Variants in EBF4 observed in about 807,000 individuals in gnomAD.
The protein encoded by EBF4 is EBF transcription factor 4.
Under a neutral mutation model 67.1 loss-of-function variants are expected in EBF4, and 34 were observed. That is an observed-to-expected ratio of 0.51 (90% confidence interval 0.39 to 0.67). The LOEUF (loss-of-function observed/expected upper bound fraction) is 0.67, where lower values mean the gene tolerates loss of function less well. Ranked by LOEUF, EBF4 falls within the 30% of genes least tolerant of loss-of-function variation. The pLI, the probability that EBF4 is intolerant of heterozygous loss-of-function variation, is 0.00. For missense variants in EBF4, 837 were observed against 873.3 expected, an observed-to-expected ratio of 0.96 and a Z score of 0.52; for synonymous variants, 387 against 377.7, an observed-to-expected ratio of 1.02 and a Z score of -0.29.
chr20:2,705,383 G>A (rs529108593), intron 1 of EBF4, among the ~76,000 whole-genome samples, 194 bp from the exon 2 acceptor site: 69 of 152,298 alleles, frequency 4.5e-4, no homozygotes, highest in African/African-American at 1.6e-3. Flanking sequence ...GGTGCCCTAG[G>A]TGCTGAGAGA....
rs1444095979 is a variant in EBF4 at position 2,745,945 on chromosome 20, A to G, written c.558-2604A>G. Among the ~76,000 whole-genome samples the G allele has an allele frequency of 6.6e-6, 1 of 152,152 alleles. No homozygotes were observed. The highest frequency in any genetic ancestry group is 2.4e-5 in the African/African-American group (1 of 41,420). ...GCTTGTCGCATCTTCAGTGGTATCCAAAGGTGAGCCTTCAATCCCTTTAGG... is the reference window on the plus strand; with the variant it reads ...GCTTGTCGCATCTTCAGTGGTATCCGAAGGTGAGCCTTCAATCCCTTTAGG... On this transcript the variant is annotated intron_variant, in intron 6 of 16. Transcript: ENST00000609451. This position sits in a 1 kb window ranked among gnomAD's most constrained non-coding sequence, Gnocchi z 5.2.
Position 2,751,227 on chromosome 20 carries a change from G to T in EBF4, c.1019-473G>T, listed in dbSNP as rs1257659903. 1.3e-5 allele frequency among the ~76,000 whole-genome samples: 2 copies of T among 152,180 alleles called. No individual in the cohort carries two copies. The highest frequency in any genetic ancestry group is 2.9e-5 in the Non-Finnish European group (2 of 68,036). ...ACCCACTTCTCCAGTTGCTTCCCTG[G>T]GGTGCATGCAAACCTCTAGCCTTCA... On this transcript the variant is annotated intron_variant, in intron 10 of 16. Transcript: ENST00000609451. The surrounding 1 kb of genome is among the most constrained non-coding windows in gnomAD (Gnocchi z 5.2).
At chr20:2,701,671 C>T (rs998404154) in intron 1 of EBF4, among the ~76,000 whole-genome samples, 2 of 152,226 alleles carry the variant, frequency 1.3e-5, no homozygotes, top group Non-Finnish European at 2.9e-5. Context: ...TTTCTCAGCA[C>T]CCACCACTCC....
At position 2,756,991 on chromosome 20, in the gene EBF4, G is replaced by T. The variant is rs2088255406; in HGVS notation, c.1738+1167G>T. ...GGGGAATGACCTTGAGATGCAGGAA[G>T]AGACACCCTCATGGTTTCCTCAGCC... is the stretch of plus-strand genomic sequence containing the variant. On this transcript the variant is annotated intron_variant, in intron 15 of 16. Coordinates refer to ENST00000609451, the Ensembl canonical transcript of EBF4. This position sits in a 1 kb window ranked among gnomAD's most constrained non-coding sequence, Gnocchi z 4.5. Among the ~76,000 whole-genome samples, 1 of 152,238 alleles carries T rather than the reference G, an allele frequency of 6.6e-6. No homozygotes were observed.
At chr20:2,758,881 A>G in intron 15 of EBF4, 28 bp from the exon 16 acceptor site, 1 of 1,550,200 alleles carries the variant, frequency 6.5e-7, no homozygotes, top group Non-Finnish European at 8.7e-7. Context: ...CACATGGCTT[A>G]TGGCTCCTTT....
intron 6 of EBF4, among the ~76,000 whole-genome samples, chr20:2,721,489 C>T (rs748797522): frequency 2.0e-5 from 3 of 152,030 alleles, no homozygotes; most frequent in Admixed American, 6.6e-5. Flanking sequence ...GAGTCTCGCT[C>T]TGTCACCCAG....
intron 6 of EBF4, among the ~76,000 whole-genome samples, chr20:2,726,363 T>G (rs2087746509): frequency 6.6e-6 from 1 of 152,098 alleles, no homozygotes; most frequent in Admixed American, 6.5e-5. Context: ...GAATCCTGAC[T>G]TGAAGTCAGG....
rs140664199 is a variant in EBF4, at chr20:2,751,134, G to A, written c.1019-566G>A. ...AAGCAGTGAACACAACACACGTGGAGATGCAATGTAGAATCTGGCCGCTGG... is the reference window on the plus strand; with the variant it reads ...AAGCAGTGAACACAACACACGTGGAAATGCAATGTAGAATCTGGCCGCTGG... On this transcript the variant is annotated intron_variant, in intron 10 of 16. Coordinates refer to ENST00000609451, the Ensembl canonical transcript of EBF4. The surrounding 1 kb of genome is among the most constrained non-coding windows in gnomAD (Gnocchi z 5.2). 1.6e-3 allele frequency among the ~76,000 whole-genome samples: 245 copies of A among 152,022 alleles called. 4 individuals are homozygous for A. In the South Asian group the frequency reaches 0.026, roughly 16 times the overall value.
intron 6 of EBF4, among the ~76,000 whole-genome samples, chr20:2,741,770 T>C (rs1386929556): frequency 1.3e-5 from 2 of 152,220 alleles, no homozygotes; most frequent in Non-Finnish European, 2.9e-5. Context: ...TGACCACTGT[T>C]CACAGCTCTT....
intron 1 of EBF4, among the ~76,000 whole-genome samples, chr20:2,694,992 T>C (rs1227466961): frequency 6.6e-6 from 1 of 152,164 alleles, no homozygotes; most frequent in East Asian, 1.9e-4. Flanking sequence ...AAAAATTTAG[T>C]CCCTCCTCTG....
rs1214553971 is a variant in EBF4 at position 2,752,149 on chromosome 20, G to T, written c.1237G>T (p.Gly413Trp). 59 of 1,448,466 alleles carry T rather than the reference G, an allele frequency of 4.1e-5. No homozygotes were observed. In the East Asian group the frequency reaches 1.8e-3, roughly 43 times the overall value. 89.7% of individuals were successfully genotyped at this position (1,448,466 alleles called of 1,614,324 possible). ...TCTGTACAGCACCCCCCGCGCACCCGGGCCGCTCGCACCCCTGGCCCCGAG... is the reference window on the plus strand; with the variant it reads ...TCTGTACAGCACCCCCCGCGCACCCTGGCCGCTCGCACCCCTGGCCCCGAG... The change falls in exon 13 of 17, where the codon GGG becomes TGG. Residue 413 changes from glycine (G) to tryptophan (W), a missense_variant. Around this residue, in one of 3 missense-constraint regions of EBF4, gnomAD observed 525 missense variants for 496.5 expected, o/e 1.06. Coordinates refer to ENST00000609451, the Ensembl canonical transcript of EBF4.
At position 2,693,587 on chromosome 20, in the gene EBF4, C is replaced by T. The variant is rs1024123473; in HGVS notation, c.-59C>T. The T allele has an allele frequency of 1.5e-6, 2 of 1,332,330 alleles. No homozygotes were observed. The highest frequency in any genetic ancestry group is 1.9e-6 in the Non-Finnish European group (2 of 1,045,252). 82.5% of individuals were successfully genotyped at this position (1,332,330 alleles called of 1,614,324 possible). A position where few individuals can be genotyped will look rare whatever the true frequency, so the allele number is the denominator to read the frequency against. ...GTCGGGTCGGGCTGAGCTAGACGCCCGCAGCCTCAGCGGGACCGGATCCGG... is the reference window on the plus strand; with the variant it reads ...GTCGGGTCGGGCTGAGCTAGACGCCTGCAGCCTCAGCGGGACCGGATCCGG... On this transcript the variant is annotated 5_prime_UTR_variant, in exon 1 of 17. Coordinates refer to ENST00000609451, the Ensembl canonical transcript of EBF4. This position sits in a 1 kb window ranked among gnomAD's most constrained non-coding sequence, Gnocchi z 4.6.
At chr20:2,722,118 T>C (rs2087689163) in intron 6 of EBF4, among the ~76,000 whole-genome samples, 1 of 152,202 alleles carries the variant, frequency 6.6e-6, no homozygotes, top group South Asian at 2.1e-4. Context: ...CAGGTTGGAC[T>C]TGAAATCCTG....
In EBF4 at chr20:2,755,661, C is replaced by T. The variant is rs1330704910; in HGVS notation, c.1575C>T (p.Ser525=). ...CTAGCCCCCCGCTGGCGGCTGCCTC[C>T]TCCATGTCCCTCCCGGCCGCTGCCC... Residue 525 remains serine (S), a synonymous_variant, in exon 15 of 17, where the codon TCC becomes TCT. Coordinates refer to ENST00000609451, the Ensembl canonical transcript of EBF4. This position sits in a 1 kb window ranked among gnomAD's most constrained non-coding sequence, Gnocchi z 4.7. 6.5e-7 allele frequency: 1 copy of T among 1,548,740 alleles called. No individual in the cohort carries two copies.
chr20:2,720,271 T>TATTTTTGGTAAATACA (rs1192368179), intron 6 of EBF4, among the ~76,000 whole-genome samples: 17 of 152,154 alleles, frequency 1.1e-4, no homozygotes, highest in Non-Finnish European at 2.5e-4. Flanking sequence ...TGAATTTTTG[T>TATTTTTGGTAAATACA]ATTTTTGGTA....
intron 6 of EBF4, among the ~76,000 whole-genome samples, chr20:2,733,833 A>G (rs1568579211): frequency 1.3e-5 from 2 of 151,768 alleles, no homozygotes; most frequent in African/African-American, 2.4e-5. Context: ...AAAAAAAAGC[A>G]AAAACATCTC....
intron 1 of EBF4, among the ~76,000 whole-genome samples, chr20:2,705,255 A>AT (rs1456089424): frequency 2.0e-5 from 3 of 152,176 alleles, no homozygotes; most frequent in Non-Finnish European, 4.4e-5. Context: ...CATACTTTTG[A>AT]TTTTTGAGAC....
chr20:2,703,550 A>G (rs2087407360), intron 1 of EBF4, among the ~76,000 whole-genome samples: 6 of 152,016 alleles, frequency 3.9e-5, no homozygotes, highest in Admixed American at 3.9e-4. Context: ...CTGTAGTCAC[A>G]CCTACTTGGA....
intron 6 of EBF4, among the ~76,000 whole-genome samples, chr20:2,723,693 A>G (rs1002056339): frequency 5.3e-5 from 8 of 152,188 alleles, no homozygotes; most frequent in Admixed American, 5.2e-4. Flanking sequence ...TTTTAAATCT[A>G]GTCTATTTTT....
Sources: gnomAD v4.1 joint callset for allele counts (sites outside exome capture counted in the v4.1 genomes callset) on GRCh38, gnomAD v4.1.1 for gene constraint, gnomAD v4.1.1 regional missense constraint, Gnocchi (gnomAD v3.1) non-coding constraint, MANE v1.5 for transcripts, NCBI Gene and HGNC (gene_info 2026-07-23, HGNC 2026-07-21) for gene names.